The following AGO2 variants were observed in gnomAD, a reference collection of about 807,000 sequenced individuals.
AGO2 encodes argonaute RISC catalytic component 2, also known as protein argonaute-2.
A neutral mutation model predicts 102.3 loss-of-function variants in AGO2; 5 were observed. The observed-to-expected ratio is 0.05, with a 90% CI of 0.03 to 0.10. The LOEUF is 0.10. AGO2 is among the 10% of genes least tolerant of loss of function. AGO2 has a pLI of 1.00. For missense variants in AGO2, 541 were observed against 1,183.7 expected, an observed-to-expected ratio of 0.46 and a Z score of 7.97; for synonymous variants, 449 against 473.1, an observed-to-expected ratio of 0.95 and a Z score of 0.66.
chr8:140,635,218 A>G (rs1280429381), intron 1 of AGO2, among the ~76,000 whole-genome samples: 3 of 144,240 alleles, frequency 2.1e-5, no homozygotes, highest in Non-Finnish European at 3.1e-5. Context: ...GGAGGGGCCC[A>G]GGCCGCGCGG....
In AGO2 at chr8:140,573,677, G is replaced by A. The variant is rs763447317; in HGVS notation, c.216-745C>T. On this transcript the variant is annotated intron_variant, in intron 2 of 18. Transcript: ENST00000220592. The stretch of plus-strand genomic sequence containing the variant: ...GATGACAGACACTTCCAGAACCTCC[G>A]GAGCTCTGTGAAGGCACTGACGAGA... Among the ~76,000 whole-genome samples the A allele has an allele frequency of 6.6e-5, 10 of 152,210 alleles. No homozygotes were observed. The South Asian group carries it at 8.3e-4, about 13-fold the overall frequency.
upstream of AGO2, chr8:140,635,683 G>C (rs2074399687): frequency 1.0e-5 from 2 of 193,622 alleles, no homozygotes; most frequent in Non-Finnish European, 1.8e-5. Context: ...GCGGGAGCGG[G>C]AGCGGGAGGG....
chr8:140,619,156 CCACACAGTGTATACAAGA>C (rs964137974), intron 1 of AGO2, among the ~76,000 whole-genome samples: 5 of 152,098 alleles, frequency 3.3e-5, no homozygotes, highest in Non-Finnish European at 7.4e-5. Flanking sequence ...CCTGGGCTGC[CCACACAGTGTATACAAGA>C]CACAGCCACC....
intron 1 of AGO2, among the ~76,000 whole-genome samples, chr8:140,627,950 C>G (rs1173790702): frequency 6.6e-6 from 1 of 152,224 alleles, no homozygotes; most frequent in Non-Finnish European, 1.5e-5. Flanking sequence ...AGGTTTCTGG[C>G]ATGGGCTCCT....
chr8:140,605,093 CA>C (rs1260131119), intron 1 of AGO2, among the ~76,000 whole-genome samples: 1 of 152,044 alleles, frequency 6.6e-6, no homozygotes, highest in African/African-American at 2.4e-5. Flanking sequence ...AAAAAAAATA[CA>C]AGTTTTTTTT....
chr8:140,559,982 C>T (rs1415347652), intron 5 of AGO2, among the ~76,000 whole-genome samples: 1 of 149,054 alleles, frequency 6.7e-6, no homozygotes, highest in Non-Finnish European at 1.5e-5. Flanking sequence ...CGCTGGCCTT[C>T]ACTCTCGTCT....
intron 1 of AGO2, among the ~76,000 whole-genome samples, chr8:140,611,996 G>A (rs372458778): frequency 6.5e-4 from 99 of 151,320 alleles, no homozygotes; most frequent in African/African-American, 2.0e-3. Flanking sequence ...AGGCCGAGGC[G>A]GGCGATCACG....
At chr8:140,601,850 G>A (rs1231544772) in intron 1 of AGO2, among the ~76,000 whole-genome samples, 1 of 152,122 alleles carries the variant, frequency 6.6e-6, no homozygotes, top group African/African-American at 2.4e-5. Flanking sequence ...AAGGCACCCT[G>A]CTTTGGTGGG....
At chr8:140,629,493 G>A (rs1236959144) in intron 1 of AGO2, among the ~76,000 whole-genome samples, 6 of 152,152 alleles carry the variant, frequency 3.9e-5, no homozygotes, top group Non-Finnish European at 8.8e-5. Flanking sequence ...TGCGGACGGG[G>A]CTGCAGTTCT....
chr8:140,616,661 CA>C, intron 1 of AGO2, among the ~76,000 whole-genome samples: 1 of 152,198 alleles, frequency 6.6e-6, no homozygotes, highest in African/African-American at 2.4e-5. Context: ...GGAGCTGACA[CA>C]GGGGCAGCAG....
At chr8:140,558,805 T>C (rs1026478877) in intron 6 of AGO2, among the ~76,000 whole-genome samples, 2 of 152,160 alleles carry the variant, frequency 1.3e-5, no homozygotes, top group Non-Finnish European at 2.9e-5. Context: ...GAGCATGGGG[T>C]GTCCACCCTC....
chr8:140,563,336 T>A (rs1168343004), intron 3 of AGO2, among the ~76,000 whole-genome samples: 1 of 152,184 alleles, frequency 6.6e-6, no homozygotes, highest in African/African-American at 2.4e-5. Context: ...GCTCAAGGGA[T>A]CCTTTCGCCT....
intron 1 of AGO2, among the ~76,000 whole-genome samples, chr8:140,631,746 G>A (rs550691751): frequency 1.3e-5 from 2 of 152,232 alleles, no homozygotes; most frequent in Middle Eastern, 3.4e-3. Flanking sequence ...CTGTCATAAC[G>A]GCACTGGGGT....
At chr8:140,624,069 C>T (rs1047711662) in intron 1 of AGO2, among the ~76,000 whole-genome samples, 6 of 152,204 alleles carry the variant, frequency 3.9e-5, no homozygotes, top group African/African-American at 9.6e-5. Flanking sequence ...AGGGCGAGCG[C>T]GATGGACCGT....
At position 140,628,394 on chromosome 8, in the gene AGO2, T is replaced by C. The variant is rs371452113; in HGVS notation, c.22+7091A>G. Among the ~76,000 whole-genome samples the C allele has an allele frequency of 2.7e-4, 41 of 151,190 alleles. 1 individual carries two copies. In the East Asian group the frequency reaches 5.4e-3, roughly 20 times the overall value. ...ACGTGGAGCTGCAGGCACGTGTGTG[T>C]GTGCGTGTGTGTGTGTTACATACCT... On this transcript the variant is annotated intron_variant, in intron 1 of 18. Coordinates refer to ENST00000220592, the MANE Select transcript of AGO2 (RefSeq NM_012154.5).
In AGO2 at chr8:140,556,276, A is replaced by G. The variant is rs1564084326; in HGVS notation, c.1037T>C (p.Ile346Thr). 1 of 1,614,144 alleles carries G rather than the reference A, an allele frequency of 6.2e-7. No homozygotes were observed. The highest frequency in any genetic ancestry group is 8.5e-7 in the Non-Finnish European group (1 of 1,180,024). The change falls in exon 9 of 19, where the codon ATT becomes ACT. Residue 346 changes from isoleucine to threonine, a missense_variant. Ile to Thr is a moderately conservative substitution (Grantham distance 89). This residue lies in a region of AGO2 where 309 missense variants were observed against 735.1 expected (regional missense o/e 0.42). Coordinates refer to ENST00000220592, the MANE Select transcript of AGO2 (RefSeq NM_012154.5). ...TTTAATACATCTTTGTCCTGCCACA[A>G]TGTTACAGACCTGTGAAGAGGACGT... The part of the protein sequence containing the change: ...HTYLPLEVCN[I>T]VAGQRCIKKL...
chr8:140,594,847 G>C (rs2073802099), intron 1 of AGO2, among the ~76,000 whole-genome samples: 1 of 151,874 alleles, frequency 6.6e-6, no homozygotes, highest in Non-Finnish European at 1.5e-5. Flanking sequence ...GTGTGTGTGT[G>C]TGTGTGTATT....
chr8:140,531,849 C>T lies in AGO2; in HGVS notation c.*195G>A. On this transcript the variant is annotated 3_prime_UTR_variant, in exon 19 of 19. Transcript: ENST00000220592. Reference sequence around the variant, plus strand: ...CATATTTCCTATGACATTGGGTTCTCATACAGGTCTGCAGTTCAAAATCCA... The same window carrying T: ...CATATTTCCTATGACATTGGGTTCTTATACAGGTCTGCAGTTCAAAATCCA... The T allele has an allele frequency of 1.8e-6, 1 of 557,734 alleles. No homozygotes were observed. Among genetic ancestry groups the T allele is most frequent in the Non-Finnish European group, 3.2e-6 (1 of 310,326 alleles). 34.5% of individuals were successfully genotyped at this position (557,734 alleles called of 1,614,324 possible).
chr8:140,597,399 C>A (rs1342423328), intron 1 of AGO2, among the ~76,000 whole-genome samples: 1 of 150,064 alleles, frequency 6.7e-6, no homozygotes, highest in African/African-American at 2.5e-5. Flanking sequence ...GAGTTGAAGT[C>A]TGGCTGACAT....
Sources: allele counts gnomAD v4.1 joint callset (sites outside exome capture counted in the v4.1 genomes callset), GRCh38; gene constraint gnomAD v4.1.1; regional missense constraint gnomAD v4.1.1; transcripts MANE v1.5; gene names NCBI Gene and HGNC (gene_info 2026-07-23, HGNC 2026-07-21).